The following UMODL1 variants were observed in gnomAD, a reference collection of about 807,000 sequenced individuals.
The protein encoded by UMODL1 is uromodulin like 1.
UMODL1 carries 128 observed loss-of-function variants against 136.3 expected under a neutral mutation model. The observed-to-expected ratio is 0.94, with a 90% CI of 0.81 to 1.09. The LOEUF (loss-of-function observed/expected upper bound fraction) is 1.09. Ranked by LOEUF, UMODL1 falls within the 50% of genes least tolerant of loss-of-function variation. The probability of loss-of-function intolerance (pLI) is 0.00; values close to 1 mark genes in which losing one functional copy is unlikely to be tolerated. For synonymous variants in UMODL1, 721 were observed against 720.0 expected, an observed-to-expected ratio of 1.00 and a Z score of -0.02; for missense variants, 1,766 against 1,725.6, an observed-to-expected ratio of 1.02 and a Z score of -0.41.
At position 42,111,772 on chromosome 21, in the gene UMODL1, T is replaced by G. The variant is rs2066835833; in HGVS notation, c.2104+62T>G. Reference sequence around the variant, plus strand: ...ATAGGACCCATAGCCTGTGTGAGCCTCTGGGGCAAAGCTCCTGCAGCCGTG... The same window carrying G: ...ATAGGACCCATAGCCTGTGTGAGCCGCTGGGGCAAAGCTCCTGCAGCCGTG... On this transcript the variant is annotated intron_variant, in intron 12 of 22. Coordinates refer to ENST00000408910, the MANE Select transcript of UMODL1 (RefSeq NM_001004416.3). The G allele has an allele frequency of 1.2e-5, 18 of 1,471,390 alleles. No individual in the cohort carries two copies. In the South Asian group the frequency reaches 2.1e-4, roughly 18 times the overall value. The allele number at this position is 1,471,390 out of a possible 1,614,324, so 91.1% of individuals were successfully genotyped here. A position where few individuals can be genotyped will look rare whatever the true frequency, so the allele number is the denominator to read the frequency against.
intron 14 of UMODL1, among the ~76,000 whole-genome samples, chr21:42,118,729 C>G (rs2066929747): frequency 1.3e-5 from 2 of 152,130 alleles, no homozygotes; most frequent in Admixed American, 6.5e-5. Context: ...TGCACTCAGC[C>G]CCCTGCCCTC....
chr21:42,090,039 C>T lies in UMODL1; in HGVS notation c.791-259C>T, dbSNP rs181383667. On this transcript the variant is annotated intron_variant, in intron 5 of 22. Coordinates refer to ENST00000408910, the MANE Select transcript of UMODL1 (RefSeq NM_001004416.3). ...AGTCCAGCCCAGAGTGATTTGCTCACGTGAGGCTGCCCGGTGAGCCAGCCG... is the reference window on the plus strand; with the variant it reads ...AGTCCAGCCCAGAGTGATTTGCTCATGTGAGGCTGCCCGGTGAGCCAGCCG... Among the ~76,000 whole-genome samples, 291 of 152,322 alleles carry T rather than the reference C, an allele frequency of 1.9e-3. 1 individual carries two copies. Among genetic ancestry groups the T allele is most frequent in the African/African-American group, 6.5e-3 (270 of 41,570 alleles).
chr21:42,070,032 T>A (rs1457779778), upstream of UMODL1, among the ~76,000 whole-genome samples: 1 of 152,244 alleles, frequency 6.6e-6, no homozygotes, highest in Non-Finnish European at 1.5e-5. Flanking sequence ...TCCAGCCTCC[T>A]TTTTGTATTC....
chr21:42,098,746 GAC>G (rs2146467972), intron 6 of UMODL1, among the ~76,000 whole-genome samples, 178 bp from the exon 7 acceptor site: 1 of 152,302 alleles, frequency 6.6e-6, no homozygotes, highest in African/African-American at 2.4e-5. Context: ...CAGCCTGGGT[GAC>G]AGAGTGAGAC....
At position 42,098,074 on chromosome 21, in the gene UMODL1, G is replaced by C. The variant is rs577787290; in HGVS notation, c.932-852G>C. The stretch of plus-strand genomic sequence containing the variant: ...ATCAGAGCAGCCCAGGGCCTCAGGA[G>C]AGGCTGGCAAGGCAGTATTTGTAGA... On this transcript the variant is annotated intron_variant, in intron 6 of 22. Transcript: ENST00000408910. Among the ~76,000 whole-genome samples, 17 of 152,374 alleles carry C rather than the reference G, an allele frequency of 1.1e-4. No individual in the cohort carries two copies. The East Asian group carries it at 1.2e-3, about 10-fold the overall frequency.
chr21:42,100,115 G>T (rs771846753), intron 7 of UMODL1, among the ~76,000 whole-genome samples: 1 of 152,118 alleles, frequency 6.6e-6, no homozygotes, highest in Non-Finnish European at 1.5e-5. Context: ...GCTGGTGGAA[G>T]TTCTCCCCCA....
At position 42,088,299 on chromosome 21, in the gene UMODL1, C is replaced by G; in HGVS notation, c.609C>G (p.Thr203=). The change falls in exon 5 of 23, where the codon ACC becomes ACG. Residue 203 remains threonine, a synonymous_variant. Coordinates refer to ENST00000408910, the MANE Select transcript of UMODL1 (RefSeq NM_001004416.3). ...CTCTGATTCTGCCTTCACAGGTCAC[C>G]AGCGCCCTGCAACCAATGGCCTCCA... ...NHMRLLHSLV[T]SALQPMASTV... 1.9e-6 allele frequency: 3 copies of G among 1,612,208 alleles called. No individual in the cohort carries two copies. Among genetic ancestry groups the G allele is most frequent in the Non-Finnish European group, 2.5e-6 (3 of 1,178,840 alleles).
intron 21 of UMODL1, among the ~76,000 whole-genome samples, chr21:42,132,278 TTCATCTATCATCCATCCATCCATGCAC>T (rs1184179276): frequency 1.3e-5 from 2 of 151,696 alleles, no homozygotes; most frequent in Admixed American, 6.6e-5. Context: ...CATTCATCTA[TTCATCTATCATCCATCCATCCATGCAC>T]TCATCTATCA....
intron 17 of UMODL1, among the ~76,000 whole-genome samples, chr21:42,124,039 C>G (rs903857799): frequency 1.3e-4 from 20 of 152,336 alleles, no homozygotes; most frequent in Admixed American, 7.8e-4. Context: ...CGTCCTGGGT[C>G]TACTCTGAGC....
At position 42,122,800 on chromosome 21, in the gene UMODL1, C is replaced by T. The variant is rs757461280; in HGVS notation, c.2828-31C>T. 10 of 1,558,300 alleles carry T rather than the reference C, an allele frequency of 6.4e-6. No homozygotes were observed. Among genetic ancestry groups the T allele is most frequent in the Non-Finnish European group, 8.7e-6 (10 of 1,150,466 alleles). ...CATGCCAACCCCAAACACAGAGCCA[C>T]TCTTTGCCTTTTCCTCCTTGTGCCT... On this transcript the variant is annotated intron_variant, in intron 16 of 22. Coordinates refer to ENST00000408910, the MANE Select transcript of UMODL1 (RefSeq NM_001004416.3). The surrounding 1 kb of genome is among the most constrained non-coding windows in gnomAD (Gnocchi z 4.3).
intron 9 of UMODL1, among the ~76,000 whole-genome samples, chr21:42,106,549 G>A (rs995871154): frequency 1.3e-5 from 2 of 152,130 alleles, no homozygotes; most frequent in Non-Finnish European, 2.9e-5. Flanking sequence ...TTTACCCTTA[G>A]GCCGTCCATC....
intron 6 of UMODL1, among the ~76,000 whole-genome samples, chr21:42,092,506 T>C (rs922393727): frequency 6.6e-6 from 1 of 152,180 alleles, no homozygotes; most frequent in Non-Finnish European, 1.5e-5. Flanking sequence ...GTTTTCACCA[T>C]GATAATTATT....
chr21:42,130,176 G>T (rs2067114948), intron 21 of UMODL1, among the ~76,000 whole-genome samples: 1 of 152,016 alleles, frequency 6.6e-6, no homozygotes, highest in Admixed American at 6.6e-5. Context: ...ACATCCAGTG[G>T]GCTGTTAAGA....
In UMODL1 at chr21:42,085,755, C is replaced by T. The variant is rs764953981; in HGVS notation, c.603+343C>T. Among the ~76,000 whole-genome samples the T allele has an allele frequency of 2.6e-5, 4 of 152,208 alleles. No homozygotes were observed. Among genetic ancestry groups the T allele is most frequent in the Non-Finnish European group, 4.4e-5 (3 of 68,038 alleles). On this transcript the variant is annotated intron_variant, in intron 4 of 22. Transcript: ENST00000408910. The surrounding 1 kb of genome is among the most constrained non-coding windows in gnomAD (Gnocchi z 4.5). ...GCCTAAGCCCCGAGCTCTTCCCTCA[C>T]CACCCTCAGTCCCAATTTCTTCAAG...
At position 42,103,915 on chromosome 21, in the gene UMODL1, G is replaced by A. The variant is rs1304631931; in HGVS notation, c.1347G>A (p.Gly449=). ...TGGTGTCTGACTTGTACCGAAGTGG[G>A]AAGCTGAGAATGCAGATCGTGTCTC... ...PPVVSDLYRS[G]KLRMQIVSLQ... is the part of the protein sequence containing the mutation. Residue 449 remains glycine (G), a synonymous_variant, in exon 9 of 23, where the codon GGG becomes GGA. Transcript: ENST00000408910. 2 of 1,614,180 alleles carry A rather than the reference G, an allele frequency of 1.2e-6. No individual in the cohort carries two copies. Among genetic ancestry groups the A allele is most frequent in the Non-Finnish European group, 1.7e-6 (2 of 1,180,032 alleles).
intron 5 of UMODL1, 143 bp from the exon 6 acceptor site, chr21:42,090,155 T>C (rs2066473744): frequency 9.2e-7 from 1 of 1,085,934 alleles, no homozygotes; most frequent in Non-Finnish European, 1.3e-6. Flanking sequence ...TAGTCTCCCT[T>C]GGGATCACTG....
At chr21:42,079,362 G>C (rs1371135924) in intron 2 of UMODL1, among the ~76,000 whole-genome samples, 1 of 152,232 alleles carries the variant, frequency 6.6e-6, no homozygotes, top group Non-Finnish European at 1.5e-5. Context: ...CCCACTTTTA[G>C]AGTGTTAACA....
chr21:42,088,537 CA>C, intron 5 of UMODL1, 57 bp downstream of exon 5: 1 of 1,505,408 alleles, frequency 6.6e-7, no homozygotes, highest in South Asian at 1.3e-5. Flanking sequence ...CCTGAACAGC[CA>C]AAATGCAAGG....
At chr21:42,131,710 A>G (rs2067136986) in intron 21 of UMODL1, among the ~76,000 whole-genome samples, 1 of 152,086 alleles carries the variant, frequency 6.6e-6, no homozygotes, top group South Asian at 2.1e-4. Flanking sequence ...CATTTGGGAA[A>G]CTAAAAAAGT....
Sources: allele counts gnomAD v4.1 joint callset (sites outside exome capture counted in the v4.1 genomes callset), GRCh38; gene constraint gnomAD v4.1.1; non-coding constraint Gnocchi (gnomAD v3.1); transcripts MANE v1.5; gene names NCBI Gene and HGNC (gene_info 2026-07-23, HGNC 2026-07-21).